Variants in TRIM16 observed in about 807,000 individuals in gnomAD.
TRIM16 encodes tripartite motif containing 16.
Under a neutral mutation model 50.4 loss-of-function variants are expected in TRIM16, and 33 were observed. The observed-to-expected ratio is 0.65, with a 90% confidence interval of 0.50 to 0.88. The LOEUF (loss-of-function observed/expected upper bound fraction) is 0.88, where lower values mean the gene tolerates loss of function less well. TRIM16 is among the 40% of genes least tolerant of loss of function. The pLI, the probability that TRIM16 is intolerant of heterozygous loss-of-function variation, is 0.00. For synonymous variants in TRIM16, 229 were observed against 270.7 expected (o/e 0.85, Z 1.51); for missense variants, 581 against 686.8 (o/e 0.85, Z 1.72).
At position 15,653,890 on chromosome 17, in the gene TRIM16, A is replaced by G. The variant is rs956495146; in HGVS notation, c.-337-1944T>C. 2.0e-5 allele frequency among the ~76,000 whole-genome samples: 3 copies of G among 152,228 alleles called. No homozygotes were observed. In the South Asian group the frequency reaches 6.2e-4, roughly 32 times the overall value. On this transcript the variant is annotated intron_variant, in intron 6 of 11. Transcript: ENST00000649191. ...ATACAAAGGAATCCAGGATTATTCC[A>G]GGGTACCTGAACCCCAAATTCTAGA...
In TRIM16 at chr17:15,682,927, T is replaced by C; in HGVS notation, c.-752A>G. On this transcript the variant is annotated 5_prime_UTR_variant, in exon 3 of 12. Coordinates refer to ENST00000649191, the MANE Select transcript of TRIM16 (RefSeq NM_001348119.1). ...GTTAACTTGCCCAAGTTCTCTGTGCTGCCCACACACATTTTACAAGGTTGC... is the reference window on the plus strand; with the variant it reads ...GTTAACTTGCCCAAGTTCTCTGTGCCGCCCACACACATTTTACAAGGTTGC... 6.6e-7 allele frequency: 1 copy of C among 1,525,956 alleles called. No individual in the cohort carries two copies. Among genetic ancestry groups the C allele is most frequent in the Non-Finnish European group, 8.8e-7 (1 of 1,136,486 alleles). The allele number at this position is 1,525,956 out of a possible 1,614,324, so 94.5% of individuals were successfully genotyped here.
At chr17:15,654,445 A>C (rs1459718769) in intron 6 of TRIM16, 1 of 152,202 alleles carries the variant, frequency 6.6e-6, no homozygotes, top group Non-Finnish European at 1.5e-5. Flanking sequence ...CTGGAAAAGG[A>C]ATTAAAAGAA....
Position 15,651,717 on chromosome 17 carries a change from G to T in TRIM16, c.-108C>A. ...GCCTAGATGATTGCAGCTGCTGCAA[G>T]ATTTTAACTGTTTCCTCCCTCCCAG... On this transcript the variant is annotated 5_prime_UTR_variant, in exon 7 of 12. Transcript: ENST00000649191. 6.5e-7 allele frequency: 1 copy of T among 1,536,994 alleles called. No individual in the cohort carries two copies. Among genetic ancestry groups the T allele is most frequent in the Non-Finnish European group, 8.7e-7 (1 of 1,146,384 alleles).
rs1011438755 is a variant in TRIM16 at position 15,634,805 on chromosome 17, C to T, written c.849+1231G>A. 5.4e-5 allele frequency among the ~76,000 whole-genome samples: 8 copies of T among 148,984 alleles called. 1 individual carries two copies. Among genetic ancestry groups the T allele is most frequent in the Admixed American group, 4.6e-4 (7 of 15,072 alleles). On this transcript the variant is annotated intron_variant, in intron 9 of 11. Transcript: ENST00000649191. Reference sequence around the variant, plus strand: ...CAGCCTGGGTGACAGAGCAAGACTCCATCTCAAAAAACAACACACACACAC... The same window carrying T: ...CAGCCTGGGTGACAGAGCAAGACTCTATCTCAAAAAACAACACACACACAC...
At chr17:15,644,543 T>C (rs1037184814) in intron 7 of TRIM16, among the ~76,000 whole-genome samples, 2 of 152,176 alleles carry the variant, frequency 1.3e-5, no homozygotes, top group Non-Finnish European at 2.9e-5. Flanking sequence ...ATTACATCAC[T>C]GGCCATTGGT....
chr17:15,650,829 AAGG>A (rs892574101), intron 7 of TRIM16, among the ~76,000 whole-genome samples: 12 of 152,314 alleles, frequency 7.9e-5, no homozygotes, highest in African/African-American at 2.9e-4. Context: ...AACTAGCAAG[AAGG>A]AGGAGAGACA....
intron 8 of TRIM16, among the ~76,000 whole-genome samples, chr17:15,637,942 C>T (rs1424055089): frequency 7.0e-6 from 1 of 141,908 alleles, no homozygotes; most frequent in Non-Finnish European, 1.5e-5. Context: ...TGATCTGTGA[C>T]CTTACCCCCA....
rs1254375822 is a variant in TRIM16 at position 15,651,592 on chromosome 17, T to G, written c.18A>C (p.Leu6=). 1.2e-6 allele frequency: 2 copies of G among 1,613,886 alleles called. No individual in the cohort carries two copies. Among genetic ancestry groups the G allele is most frequent in the South Asian group, 1.1e-5 (1 of 91,084 alleles). ...CCCTGGGCAGTGGCCCTGGAGCCAT[T>G]AGATCCAACTCAGCCATCTGGGAGG... MAELD[L]MAPGPLPRAT... is the part of the protein sequence containing the mutation. Residue 6 remains leucine (L), a synonymous_variant, in exon 7 of 12, where the codon CTA becomes CTC. Transcript: ENST00000649191.
In TRIM16 at chr17:15,629,112, G is replaced by T. The variant is rs758254716; in HGVS notation, c.1198C>A (p.Pro400Thr). 3 of 1,613,738 alleles carry T rather than the reference G, an allele frequency of 1.9e-6. No individual in the cohort carries two copies. The highest frequency in any genetic ancestry group is 2.5e-6 in the Non-Finnish European group (3 of 1,179,782). ...EENRKVTNTT[P>T]WEHPYPDLPS... Reference sequence around the variant, plus strand: ...AGGTCCGGGTAGGGATGCTCCCAGGGCGTGGTGTTGGTGACCTTGCGGTTC... The same window carrying T: ...AGGTCCGGGTAGGGATGCTCCCAGGTCGTGGTGTTGGTGACCTTGCGGTTC... Residue 400 changes from proline to threonine, a missense_variant, in exon 12 of 12, where the codon CCC becomes ACC. By Grantham distance (38) the Pro-to-Thr change is conservative. Transcript: ENST00000649191.
intron 6 of TRIM16, among the ~76,000 whole-genome samples, chr17:15,662,970 A>G (rs1597653961): frequency 6.6e-6 from 1 of 152,178 alleles, no homozygotes; most frequent in African/African-American, 2.4e-5. Flanking sequence ...GTGACTCACT[A>G]GCAGATTTGT....
intron 7 of TRIM16, among the ~76,000 whole-genome samples, chr17:15,648,880 C>T (rs72819875): frequency 0.016 from 2,366 of 152,306 alleles, 24 homozygotes; most frequent in Middle Eastern, 0.02. Context: ...AGGACAAGAG[C>T]TCTTTTAAGC....
At chr17:15,661,306 C>T (rs1161318645) in intron 6 of TRIM16, among the ~76,000 whole-genome samples, 1 of 152,212 alleles carries the variant, frequency 6.6e-6, no homozygotes, top group Non-Finnish European at 1.5e-5. Flanking sequence ...TGGGTACAAA[C>T]ACAGCAGGAT....
At chr17:15,652,831 C>G (rs964526759) in intron 6 of TRIM16, among the ~76,000 whole-genome samples, 2 of 152,084 alleles carry the variant, frequency 1.3e-5, no homozygotes, top group South Asian at 4.1e-4. Context: ...CCGTCACACT[C>G]GTGGAGATGA....
intron 6 of TRIM16, among the ~76,000 whole-genome samples, chr17:15,657,789 G>A (rs1042059401): frequency 6.6e-6 from 1 of 152,160 alleles, no homozygotes; most frequent in Admixed American, 6.5e-5. Context: ...GAATCCTACT[G>A]ACTATGCCTA....
intron 6 of TRIM16, among the ~76,000 whole-genome samples, chr17:15,664,424 G>A (rs1305176268): frequency 6.6e-6 from 1 of 152,204 alleles, no homozygotes; most frequent in African/African-American, 2.4e-5. Flanking sequence ...GAAAGCCAGT[G>A]GGCATGGTGG....
At chr17:15,658,205 G>A (rs546538597) in intron 6 of TRIM16, among the ~76,000 whole-genome samples, 3 of 152,272 alleles carry the variant, frequency 2.0e-5, no homozygotes, top group African/African-American at 7.2e-5. Flanking sequence ...CCTCTGAAAG[G>A]ATATAAGCAA....
At chr17:15,642,074 C>T (rs1987141077) in intron 8 of TRIM16, among the ~76,000 whole-genome samples, 1 of 148,708 alleles carries the variant, frequency 6.7e-6, no homozygotes, top group Admixed American at 6.7e-5. Context: ...GAACTCCTGA[C>T]CTCAAGTGAT....
At chr17:15,678,471 T>C (rs1485428548) in intron 4 of TRIM16, among the ~76,000 whole-genome samples, 2 of 152,190 alleles carry the variant, frequency 1.3e-5, no homozygotes, top group Non-Finnish European at 2.9e-5. Flanking sequence ...GCAGGAGTGA[T>C]GTGCGCCCTT....
chr17:15,648,415 T>G (rs1428716921), intron 7 of TRIM16, among the ~76,000 whole-genome samples: 1 of 152,144 alleles, frequency 6.6e-6, no homozygotes, highest in Admixed American at 6.5e-5. Flanking sequence ...GTCTGCCCAC[T>G]GATATGGCTA....
Sources: gnomAD v4.1 joint callset for allele counts (sites outside exome capture counted in the v4.1 genomes callset) on GRCh38, gnomAD v4.1.1 for gene constraint, MANE v1.5 for transcripts, NCBI Gene and HGNC (gene_info 2026-07-23, HGNC 2026-07-21) for gene names.